Variants in OPTN observed in about 807,000 individuals in gnomAD.
OPTN encodes the protein E3-14.7K-interacting protein.
A neutral mutation model predicts 70.4 loss-of-function variants in OPTN; 54 were observed. That is an observed-to-expected ratio of 0.77 (90% CI 0.62 to 0.96). The LOEUF (loss-of-function observed/expected upper bound fraction) is 0.96, where lower values mean the gene tolerates loss of function less well. Ranked by LOEUF, OPTN falls within the 40% of genes least tolerant of loss-of-function variation. The pLI, the probability that OPTN is intolerant of heterozygous loss-of-function variation, is 0.00. For synonymous variants in OPTN, 256 were observed against 248.5 expected (o/e 1.03, Z -0.28); for missense variants, 624 against 673.2 (o/e 0.93, Z 0.81).
chr10:13,113,405 G>C (rs181706359), intron 5 of OPTN, among the ~76,000 whole-genome samples: 3 of 152,326 alleles, frequency 2.0e-5, no homozygotes, highest in African/African-American at 4.8e-5. Flanking sequence ...AGAAAGAGCA[G>C]AACTGCTCTG....
chr10:13,100,091 A>T (rs1832704183), upstream of OPTN: 1 of 152,218 alleles, frequency 6.6e-6, no homozygotes, highest in Admixed American at 6.6e-5. Context: ...CGGCGCGGGC[A>T]GGGAGCGGCT....
At chr10:13,130,738 C>G (rs1450822913) in intron 12 of OPTN, among the ~76,000 whole-genome samples, 2 of 151,824 alleles carry the variant, frequency 1.3e-5, no homozygotes, top group Non-Finnish European at 2.9e-5. Context: ...TAATTTATAT[C>G]TCAGAACCAG....
At chr10:13,110,525 A>C in intron 4 of OPTN, 49 bp downstream of exon 4, 1 of 1,556,902 alleles carries the variant, frequency 6.4e-7, no homozygotes, top group African/African-American at 1.4e-5. Flanking sequence ...TTCCCTTGAC[A>C]TTTGCAGTGG....
At chr10:13,136,719 A>C in intron 14 of OPTN, 26 bp from the exon 15 acceptor site, 2 of 1,613,808 alleles carry the variant, frequency 1.2e-6, no homozygotes, top group Non-Finnish European at 1.7e-6. Context: ...AAATGGAACT[A>C]ATGGAATTAT....
chr10:13,129,578 G>A (rs1833548887), intron 12 of OPTN, among the ~76,000 whole-genome samples: 1 of 152,048 alleles, frequency 6.6e-6, no homozygotes, highest in Admixed American at 6.6e-5. Context: ...GTCTCGAACA[G>A]TTGACCTCAT....
At chr10:13,105,528 T>C (rs1832846915) in intron 1 of OPTN, among the ~76,000 whole-genome samples, 1 of 152,114 alleles carries the variant, frequency 6.6e-6, no homozygotes, top group Admixed American at 6.5e-5. Context: ...ATCCGGGCAA[T>C]GTGAGAAGTC....
chr10:13,113,113 C>T (rs575834554), intron 5 of OPTN, among the ~76,000 whole-genome samples: 4 of 152,196 alleles, frequency 2.6e-5, no homozygotes, highest in South Asian at 2.1e-4. Context: ...CCTCTGCCTC[C>T]GGGGTTCAAG....
chr10:13,114,604 C>T (rs10450534), intron 5 of OPTN, among the ~76,000 whole-genome samples: 148,824 of 149,604 alleles, frequency 0.99, 74,030 homozygotes, highest in Middle Eastern at 1. Context: ...TAGGAAGAAA[C>T]ATCAAAAATA....
At chr10:13,109,062 C>A in intron 2 of OPTN, 50 bp from the exon 3 acceptor site, 3 of 1,574,066 alleles carry the variant, frequency 1.9e-6, no homozygotes, top group Admixed American at 3.3e-5. Flanking sequence ...CCCGGGGACC[C>A]CTTGTGGGGC....
At chr10:13,124,478 T>G (rs2131514420) in intron 9 of OPTN, among the ~76,000 whole-genome samples, 1 of 152,344 alleles carries the variant, frequency 6.6e-6, no homozygotes, top group African/African-American at 2.4e-5. Context: ...TTGAGTGACA[T>G]TTATTTGGAA....
chr10:13,107,705 C>A (rs1448263504), intron 1 of OPTN, among the ~76,000 whole-genome samples: 4 of 152,104 alleles, frequency 2.6e-5, no homozygotes, highest in Non-Finnish European at 5.9e-5. Flanking sequence ...TAACAGTAAA[C>A]ATCCTGGAAG....
chr10:13,127,933 C>A, intron 12 of OPTN, 30 bp downstream of exon 12: 1 of 1,612,502 alleles, frequency 6.2e-7, no homozygotes, highest in Non-Finnish European at 8.5e-7. Flanking sequence ...CCCAGCTGAG[C>A]GAGGCCAGCC....
chr10:13,106,360 G>A (rs1411970986), intron 1 of OPTN, among the ~76,000 whole-genome samples: 2 of 152,196 alleles, frequency 1.3e-5, no homozygotes, highest in Non-Finnish European at 2.9e-5. Context: ...TTATTTTTGT[G>A]AGAAGAAGAG....
At chr10:13,119,137 T>C in intron 7 of OPTN, 97 bp downstream of exon 7, 1 of 1,154,144 alleles carries the variant, frequency 8.7e-7, no homozygotes, top group Non-Finnish European at 1.3e-6. Context: ...AAAGTATACA[T>C]TTCAGTGTTT....
At chr10:13,117,081 T>TC (rs1833227114) in intron 6 of OPTN, among the ~76,000 whole-genome samples, 1 of 6,038 alleles carries the variant, frequency 1.7e-4, no homozygotes, top group Non-Finnish European at 3.5e-4. Context: ...TAAGGATCTC[T>TC]TTTTTTTTTT....
At chr10:13,104,821 G>T (rs1305580629) in intron 1 of OPTN, 1 of 441,014 alleles carries the variant, frequency 2.3e-6, no homozygotes, top group Non-Finnish European at 4.3e-6. Context: ...TCAACAAAAG[G>T]TGGCATTCGA....
chr10:13,128,110 C>T (rs1042060407), intron 12 of OPTN, among the ~76,000 whole-genome samples: 6 of 152,158 alleles, frequency 3.9e-5, no homozygotes, highest in African/African-American at 1.4e-4. Flanking sequence ...TGGATTCTTT[C>T]CAGTTTGTGG....
chr10:13,133,909 A>G (rs1833644961), intron 14 of OPTN, among the ~76,000 whole-genome samples: 1 of 152,088 alleles, frequency 6.6e-6, no homozygotes, highest in Admixed American at 6.5e-5. Flanking sequence ...CCTGTGTTCA[A>G]ACGGTTCTCC....
chr10:13,133,420 A>G (rs1179707822), intron 13 of OPTN, 82 bp from the exon 14 acceptor site: 2 of 1,212,526 alleles, frequency 1.6e-6, no homozygotes, highest in East Asian at 2.3e-5. Context: ...TTTTTCCCCT[A>G]CTTCTGTGGA....
Sources: gnomAD v4.1 joint callset for allele counts (sites outside exome capture counted in the v4.1 genomes callset) on GRCh38, gnomAD v4.1.1 for gene constraint, MANE v1.5 for transcripts, NCBI Gene and HGNC (gene_info 2026-07-23, HGNC 2026-07-21) for gene names.